WWOX: variants seen among roughly 807,000 people sequenced by gnomAD.
WWOX encodes the protein WW domain-containing oxidoreductase.
WWOX carries 69 observed loss-of-function variants against 46.2 expected under a neutral mutation model. The ratio of observed to expected loss-of-function variants is 1.49; its 90% CI spans 1.23 to 1.82. The LOEUF is 1.82. WWOX is among the 40% of genes most tolerant of loss of function. WWOX has a pLI of 0.00. For missense variants in WWOX, 919 were observed against 542.6 expected (o/e 1.69, Z -6.89); for synonymous variants, 359 against 202.6 (o/e 1.77, Z -6.56).
At chr16:78,809,921 C>G (rs560323448) in intron 8 of WWOX, among the ~76,000 whole-genome samples, 3 of 152,304 alleles carry the variant, frequency 2.0e-5, no homozygotes, top group African/African-American at 7.2e-5. Flanking sequence ...TCCACACTCA[C>G]CTTCTCAAAG....
chr16:78,406,961 A>T (rs187450360), intron 6 of WWOX, among the ~76,000 whole-genome samples: 1 of 152,014 alleles, frequency 6.6e-6, no homozygotes, highest in East Asian at 2.0e-4. Flanking sequence ...CTTGGATGCT[A>T]CCTAAAATCA....
At chr16:78,499,167 T>G (rs1420350306) in intron 8 of WWOX, among the ~76,000 whole-genome samples, 1 of 151,866 alleles carries the variant, frequency 6.6e-6, no homozygotes, top group African/African-American at 2.4e-5. Context: ...ACGGTGATAG[T>G]GCGTATCTAA....
At chr16:78,630,703 C>A (rs1271663139) in intron 8 of WWOX, among the ~76,000 whole-genome samples, 1 of 152,204 alleles carries the variant, frequency 6.6e-6, no homozygotes, top group Non-Finnish European at 1.5e-5. Flanking sequence ...TAAATCTCAG[C>A]CATGAGTGTG....
chr16:78,311,275 A>T (rs963319120), intron 5 of WWOX, among the ~76,000 whole-genome samples: 2 of 152,296 alleles, frequency 1.3e-5, no homozygotes, highest in Middle Eastern at 3.4e-3. Flanking sequence ...TTTTTTTGGT[A>T]ATCCAAGGCC....
intron 8 of WWOX, among the ~76,000 whole-genome samples, chr16:78,579,963 T>A (rs1307117608): frequency 6.6e-6 from 1 of 152,230 alleles, no homozygotes; most frequent in African/African-American, 2.4e-5. Context: ...TGAGGGAGTC[T>A]TCTGAGTCAT....
At chr16:78,143,021 G>A (rs1031407530) in intron 4 of WWOX, among the ~76,000 whole-genome samples, 14 of 152,246 alleles carry the variant, frequency 9.2e-5, no homozygotes, top group African/African-American at 2.6e-4. Flanking sequence ...ACATTTGTCA[G>A]TTTTACACAC....
In WWOX at chr16:79,211,843, C is replaced by G. The variant is rs975934302; in HGVS notation, c.*47C>G. On this transcript the variant is annotated 3_prime_UTR_variant, in exon 9 of 9. Transcript: ENST00000566780. ...CACACACACCCGCCCTGTGTGTGTC[C>G]CCTCACGCAAGTGCCAGGGCTGGGC... The G allele has an allele frequency of 1.9e-6, 3 of 1,611,076 alleles. No homozygotes were observed. Among genetic ancestry groups the G allele is most frequent in the Admixed American group, 3.4e-5 (2 of 59,650 alleles).
At position 78,669,402 on chromosome 16, in the gene WWOX, A is replaced by G. The variant is rs138629716; in HGVS notation, c.1056+236650A>G. 2.0e-5 allele frequency among the ~76,000 whole-genome samples: 3 copies of G among 152,362 alleles called. No homozygotes were observed. In the East Asian group the frequency reaches 5.8e-4, roughly 29 times the overall value. ...GGATCCAGGGGCAGCATTGCTCCCC[A>G]GGGGATGTTTTTACAATGTCTGGGA... On this transcript the variant is annotated intron_variant, in intron 8 of 8. Coordinates refer to ENST00000566780, the MANE Select transcript of WWOX (RefSeq NM_016373.4).
At chr16:78,242,140 C>G (rs946416588) in intron 5 of WWOX, among the ~76,000 whole-genome samples, 1 of 152,204 alleles carries the variant, frequency 6.6e-6, no homozygotes, top group African/African-American at 2.4e-5. Context: ...GTAACTTTGT[C>G]TGCTTCTGCC....
chr16:78,453,980 C>T (rs12051258), intron 8 of WWOX, among the ~76,000 whole-genome samples: 18,223 of 152,056 alleles, frequency 0.12, 1,699 homozygotes, highest in African/African-American at 0.25. Context: ...TTTCACCACA[C>T]CTGGTTTTTG....
At chr16:78,424,725 A>G (rs1376551244) in intron 6 of WWOX, 145 bp from the exon 7 acceptor site, 1 of 967,262 alleles carries the variant, frequency 1.0e-6, no homozygotes, top group African/African-American at 1.6e-5. Context: ...TAGAAGACGG[A>G]GAAAGAATTT....
At chr16:78,769,793 G>C (rs13334149) in intron 8 of WWOX, among the ~76,000 whole-genome samples, 41,706 of 150,888 alleles carry the variant, frequency 0.28, 6,114 homozygotes, top group South Asian at 0.36. Flanking sequence ...GATCGCCTGA[G>C]TCCAGGAGTT....
intron 8 of WWOX, among the ~76,000 whole-genome samples, chr16:79,155,061 C>T (rs1246333084): frequency 6.6e-6 from 1 of 152,316 alleles, no homozygotes; most frequent in East Asian, 1.9e-4. Flanking sequence ...CTAGATTCTA[C>T]AGCAGGCACT....
chr16:78,855,131 C>G (rs1253104395), intron 8 of WWOX, among the ~76,000 whole-genome samples: 2 of 152,256 alleles, frequency 1.3e-5, no homozygotes, highest in South Asian at 2.1e-4. Flanking sequence ...GTTTAAATCT[C>G]TTTCTGTTAA....
intron 8 of WWOX, among the ~76,000 whole-genome samples, chr16:78,585,361 A>G (rs1597307368): frequency 6.6e-6 from 1 of 152,224 alleles, no homozygotes; most frequent in South Asian, 2.1e-4. Flanking sequence ...GGAGGCTGGA[A>G]ATTCGTTAGC....
At chr16:78,773,092 T>C (rs1403962250) in intron 8 of WWOX, among the ~76,000 whole-genome samples, 1 of 152,162 alleles carries the variant, frequency 6.6e-6, no homozygotes, top group African/African-American at 2.4e-5. Flanking sequence ...TTAGGTAACT[T>C]GCTCAGTGGC....
At chr16:79,086,429 G>A (rs991984140) in intron 8 of WWOX, among the ~76,000 whole-genome samples, 2 of 152,160 alleles carry the variant, frequency 1.3e-5, no homozygotes, top group African/African-American at 4.8e-5. Context: ...AGGGTATTGA[G>A]CTCTAATTTA....
intron 8 of WWOX, among the ~76,000 whole-genome samples, chr16:79,091,775 C>CTTTTTTTTTTTTTTT (rs771753213): frequency 1.6e-5 from 2 of 126,852 alleles, no homozygotes; most frequent in Admixed American, 8.1e-5. Context: ...CTTTTCTTTT[C>CTTTTTTTTTTTTTTT]TTTGTTTTTT....
In WWOX at chr16:78,422,137, T is replaced by G. The variant is rs1208002956; in HGVS notation, c.606-2733T>G. Among the ~76,000 whole-genome samples the G allele has an allele frequency of 2.0e-5, 3 of 152,332 alleles. No individual in the cohort carries two copies. The East Asian group carries it at 5.8e-4, about 29-fold the overall frequency. On this transcript the variant is annotated intron_variant, in intron 6 of 8. Transcript: ENST00000566780. ...ATGTCTGCCACTGTTTCTGTTAGAC[T>G]CTTAAGAAGATACGTGTTTGTCTCA...
Sources: allele counts gnomAD v4.1 joint callset (sites outside exome capture counted in the v4.1 genomes callset), GRCh38; gene constraint gnomAD v4.1.1; transcripts MANE v1.5; gene names NCBI Gene and HGNC (gene_info 2026-07-23, HGNC 2026-07-21).